The following EXT1 variants were observed in gnomAD, a reference collection of about 807,000 sequenced individuals.
EXT1 encodes exostosin glycosyltransferase 1.
A neutral mutation model predicts 82.5 loss-of-function variants in EXT1; 20 were observed. The ratio of observed to expected loss-of-function variants is 0.24; its 90% CI spans 0.17 to 0.35. EXT1 has a LOEUF of 0.35. EXT1 is among the 10% of genes least tolerant of loss of function. The pLI, the probability that EXT1 is intolerant of heterozygous loss-of-function variation, is 1.00. For missense variants in EXT1, 757 were observed against 936.5 expected (o/e 0.81, Z 2.50); for synonymous variants, 348 against 350.8 (o/e 0.99, Z 0.09).
chr8:117,839,031 G>A (rs113751238), intron 1 of EXT1, among the ~76,000 whole-genome samples: 32 of 152,286 alleles, frequency 2.1e-4, no homozygotes, highest in South Asian at 1.9e-3. Context: ...AATGTGTGGA[G>A]GAAGAGGAAG....
At chr8:118,002,887 C>A (rs1815701553) in intron 1 of EXT1, among the ~76,000 whole-genome samples, 1 of 152,094 alleles carries the variant, frequency 6.6e-6, no homozygotes, top group Admixed American at 6.5e-5. Context: ...CTCCTAGTAT[C>A]TACCCAGAGG....
chr8:117,797,984 T>C lies in EXT1; in HGVS notation c.*1728A>G, dbSNP rs1464752111. ...TGGGCTCTACTCCTTGTTCTGCAGC[T>C]AGGTAGCCTGTTGAGTCACTTCTCT... On this transcript the variant is annotated 3_prime_UTR_variant, in exon 11 of 11. Transcript: ENST00000378204. 1 of 152,294 alleles carries C rather than the reference T, an allele frequency of 6.6e-6. No individual in the cohort carries two copies. Among genetic ancestry groups the C allele is most frequent in the Non-Finnish European group, 1.5e-5 (1 of 68,084 alleles). 9.4% of individuals were successfully genotyped at this position (152,294 alleles called of 1,614,324 possible).
chr8:117,884,796 C>A (rs143499316), intron 1 of EXT1, among the ~76,000 whole-genome samples: 2 of 152,324 alleles, frequency 1.3e-5, no homozygotes, highest in African/African-American at 4.8e-5. Context: ...CACCCAGCTA[C>A]ATGCTGCAGG....
chr8:117,971,247 G>T (rs1563616847), intron 1 of EXT1, among the ~76,000 whole-genome samples: 1 of 152,158 alleles, frequency 6.6e-6, no homozygotes, highest in African/African-American at 2.4e-5. Context: ...AAACTGAAAA[G>T]AAAACACATT....
At chr8:117,926,785 A>C (rs1194703160) in intron 1 of EXT1, among the ~76,000 whole-genome samples, 1 of 152,162 alleles carries the variant, frequency 6.6e-6, no homozygotes, top group Non-Finnish European at 1.5e-5. Flanking sequence ...GCCTATAAAC[A>C]TGTTTATTTA....
chr8:117,950,182 G>A (rs536547394), intron 1 of EXT1, among the ~76,000 whole-genome samples: 7 of 152,188 alleles, frequency 4.6e-5, no homozygotes, highest in African/African-American at 7.2e-5. Context: ...TGGAGGTTGC[G>A]GTGAGCTGAG....
chr8:117,955,727 C>T (rs1293486675), intron 1 of EXT1, among the ~76,000 whole-genome samples: 3 of 152,182 alleles, frequency 2.0e-5, no homozygotes, highest in Admixed American at 6.5e-5. Context: ...AGCTAATCTT[C>T]GTATTTTTAG....
At chr8:118,011,534 A>G (rs1815899418) in intron 1 of EXT1, among the ~76,000 whole-genome samples, 1 of 152,210 alleles carries the variant, frequency 6.6e-6, no homozygotes, top group Non-Finnish European at 1.5e-5. Context: ...TTTATACATA[A>G]TAGTCACTTA....
intron 1 of EXT1, among the ~76,000 whole-genome samples, chr8:117,905,960 T>C (rs541540301): frequency 6.6e-5 from 10 of 152,324 alleles, no homozygotes; most frequent in Non-Finnish European, 1.2e-4. Context: ...CTCCCATTTC[T>C]CCCAATCACA....
At chr8:118,081,277 T>A (rs1395272091) in intron 1 of EXT1, among the ~76,000 whole-genome samples, 1 of 152,224 alleles carries the variant, frequency 6.6e-6, no homozygotes, top group African/African-American at 2.4e-5. Flanking sequence ...TAAAATACAC[T>A]GTTTTCCAGA....
At chr8:118,040,507 C>T (rs1202649163) in intron 1 of EXT1, among the ~76,000 whole-genome samples, 1 of 152,182 alleles carries the variant, frequency 6.6e-6, no homozygotes, top group Non-Finnish European at 1.5e-5. Flanking sequence ...TGTCAGTGGA[C>T]ATTTCCTTTG....
At chr8:118,031,323 G>C (rs1304476879) in intron 1 of EXT1, among the ~76,000 whole-genome samples, 1 of 152,134 alleles carries the variant, frequency 6.6e-6, no homozygotes, top group Non-Finnish European at 1.5e-5. Flanking sequence ...GAGTTTGTTT[G>C]AGACCAGCCT....
At chr8:118,035,841 C>T (rs1300638224) in intron 1 of EXT1, among the ~76,000 whole-genome samples, 2 of 152,146 alleles carry the variant, frequency 1.3e-5, no homozygotes, top group Non-Finnish European at 2.9e-5. Flanking sequence ...TACATGATAG[C>T]TCCTTTATGA....
chr8:117,906,274 G>A (rs1813542650), intron 1 of EXT1, among the ~76,000 whole-genome samples: 1 of 152,178 alleles, frequency 6.6e-6, no homozygotes, highest in South Asian at 2.1e-4. Context: ...TGGAACACAA[G>A]TTCGGAACCC....
chr8:118,015,439 G>C (rs918588973), intron 1 of EXT1, among the ~76,000 whole-genome samples: 1 of 152,002 alleles, frequency 6.6e-6, no homozygotes, highest in Non-Finnish European at 1.5e-5. Flanking sequence ...AAAATTCCAC[G>C]ATCTAAAGTT....
At chr8:118,044,411 A>ATT (rs547940900) in intron 1 of EXT1, among the ~76,000 whole-genome samples, 2 of 145,150 alleles carry the variant, frequency 1.4e-5, no homozygotes, top group Non-Finnish European at 3.0e-5. Flanking sequence ...CTTCTTTATG[A>ATT]TTTTTTTTTT....
chr8:117,938,448 C>A (rs1394286955), intron 1 of EXT1, among the ~76,000 whole-genome samples: 1 of 151,912 alleles, frequency 6.6e-6, no homozygotes, highest in African/African-American at 2.4e-5. Flanking sequence ...AGTGACAAAG[C>A]GAGACTCCAA....
intron 1 of EXT1, among the ~76,000 whole-genome samples, chr8:118,017,555 AT>A (rs1358656010): frequency 6.6e-6 from 1 of 152,114 alleles, no homozygotes; most frequent in Admixed American, 6.6e-5. Context: ...CACTCTTGCC[AT>A]TGGTTTAGAA....
At chr8:118,029,387 C>T (rs1816266564) in intron 1 of EXT1, among the ~76,000 whole-genome samples, 1 of 152,168 alleles carries the variant, frequency 6.6e-6, no homozygotes, top group Admixed American at 6.5e-5. Flanking sequence ...CATGCTACCG[C>T]ACTCCAGCCT....
Sources: gnomAD v4.1 joint callset for allele counts (sites outside exome capture counted in the v4.1 genomes callset) on GRCh38, gnomAD v4.1.1 for gene constraint, MANE v1.5 for transcripts, NCBI Gene and HGNC (gene_info 2026-07-23, HGNC 2026-07-21) for gene names.